The following SHANK2 variants were observed in gnomAD, a reference collection of about 807,000 sequenced individuals.
The protein encoded by SHANK2 is SH3 and multiple ankyrin repeat domains 2.
In SHANK2, 43 loss-of-function variants were observed where a neutral mutation model predicts 133.7. The ratio of observed to expected loss-of-function variants is 0.32; its 90% CI spans 0.25 to 0.41. The LOEUF (loss-of-function observed/expected upper bound fraction) is 0.41, where lower values mean the gene tolerates loss of function less well. Ranked by LOEUF, SHANK2 falls within the 10% of genes least tolerant of loss-of-function variation. SHANK2 has a pLI of 1.00. For missense variants in SHANK2, 1,994 were observed against 2,235.8 expected, an observed-to-expected ratio of 0.89 and a Z score of 2.18; for synonymous variants, 1,017 against 952.8, an observed-to-expected ratio of 1.07 and a Z score of -1.24.
chr11:70,883,743 G>A (rs999593373), intron 11 of SHANK2, among the ~76,000 whole-genome samples: 5 of 152,234 alleles, frequency 3.3e-5, no homozygotes, highest in African/African-American at 7.2e-5. Flanking sequence ...GCAAGACCAC[G>A]TGGAAACAAG....
chr11:70,860,340 G>C lies in SHANK2; in HGVS notation c.1174+36161C>G, dbSNP rs545154800. On this transcript the variant is annotated intron_variant, in intron 11 of 25. Coordinates refer to ENST00000601538, the MANE Select transcript of SHANK2 (RefSeq NM_012309.5). Reference sequence around the variant, plus strand: ...TGTCCCCTTAGGCCATGTTATCCTCGTGCACACCTGCCCATCAGATCTCTC... The same window carrying C: ...TGTCCCCTTAGGCCATGTTATCCTCCTGCACACCTGCCCATCAGATCTCTC... Among the ~76,000 whole-genome samples the C allele has an allele frequency of 4.8e-4, 73 of 152,206 alleles. No individual in the cohort carries two copies. In the South Asian group the frequency reaches 0.015, roughly 31 times the overall value.
intron 14 of SHANK2, among the ~76,000 whole-genome samples, chr11:70,779,848 AC>A (rs562815754): frequency 1.9e-3 from 288 of 151,484 alleles, no homozygotes; most frequent in Admixed American, 1.4e-3. Flanking sequence ...TCTTCCCTAC[AC>A]CCCTGACCCA....
chr11:70,804,350 G>A lies in SHANK2; in HGVS notation c.1663+2652C>T, dbSNP rs1256530684. Among the ~76,000 whole-genome samples, 1 of 152,250 alleles carries A rather than the reference G, an allele frequency of 6.6e-6. No individual in the cohort carries two copies. Among genetic ancestry groups the A allele is most frequent in the African/African-American group, 2.4e-5 (1 of 41,472 alleles). On this transcript the variant is annotated intron_variant, in intron 13 of 25. Transcript: ENST00000601538. This position sits in a 1 kb window ranked among gnomAD's most constrained non-coding sequence, Gnocchi z 4.1. ...ACCGACAGCTCGGCAGGAAGGAAGA[G>A]CGGTGCCACTGGCAGCAGGAAGGGG...
chr11:70,494,021 C>T (rs1284588695), intron 21 of SHANK2, among the ~76,000 whole-genome samples: 4 of 152,326 alleles, frequency 2.6e-5, no homozygotes, highest in African/African-American at 7.2e-5. Flanking sequence ...AGCCACGGCA[C>T]GGATCAGGGT....
intron 2 of SHANK2, among the ~76,000 whole-genome samples, chr11:71,218,040 G>C (rs782034880): frequency 8.6e-5 from 13 of 151,964 alleles, no homozygotes; most frequent in Non-Finnish European, 1.3e-4. Flanking sequence ...TTAGAAGAAA[G>C]AGGGTTTCAC....
At chr11:70,529,799 T>C (rs1394302587) in intron 17 of SHANK2, among the ~76,000 whole-genome samples, 1 of 152,242 alleles carries the variant, frequency 6.6e-6, no homozygotes, top group Non-Finnish European at 1.5e-5. Flanking sequence ...ATCTGGCCTT[T>C]CATGCCTGGC....
rs1305444297 is a variant in SHANK2 at position 71,113,383 on chromosome 11, AAGAG to A, written c.412-23_412-20del. ...ATCGAAACTGGCACAGAAAACAAAA[AAGAG>A]AGAGAAAACAAGTCAATACTTCTCA... On this transcript the variant is annotated intron_variant, in intron 4 of 25. Coordinates refer to ENST00000601538, the MANE Select transcript of SHANK2 (RefSeq NM_012309.5). The A allele has an allele frequency of 1.9e-6, 3 of 1,550,526 alleles. No individual in the cohort carries two copies. Among genetic ancestry groups the A allele is most frequent in the Admixed American group, 3.9e-5 (2 of 51,010 alleles).
At chr11:70,701,637 C>T (rs1264379292) in intron 14 of SHANK2, among the ~76,000 whole-genome samples, 1 of 152,110 alleles carries the variant, frequency 6.6e-6, no homozygotes, top group Non-Finnish European at 1.5e-5. Flanking sequence ...ATCTCCTGAC[C>T]TCGTGATCCA....
chr11:71,216,714 C>A (rs1480776628), intron 2 of SHANK2, among the ~76,000 whole-genome samples: 1 of 152,126 alleles, frequency 6.6e-6, no homozygotes, highest in Non-Finnish European at 1.5e-5. Flanking sequence ...GCCCCAGGGA[C>A]GTCGTAGCTC....
chr11:70,615,273 G>A (rs552067345), intron 17 of SHANK2, among the ~76,000 whole-genome samples: 37 of 152,230 alleles, frequency 2.4e-4, no homozygotes, highest in African/African-American at 8.9e-4. Context: ...CTGTGATGAG[G>A]GCCTGATACC....
intron 14 of SHANK2, among the ~76,000 whole-genome samples, chr11:70,768,392 G>T (rs1411338383): frequency 6.6e-6 from 1 of 152,200 alleles, no homozygotes; most frequent in Non-Finnish European, 1.5e-5. Flanking sequence ...AGTAATTCTG[G>T]CCACAAGAGT....
intron 14 of SHANK2, among the ~76,000 whole-genome samples, chr11:70,724,611 T>C (rs1009393238): frequency 6.6e-6 from 1 of 152,232 alleles, no homozygotes; most frequent in African/African-American, 2.4e-5. Flanking sequence ...ATTTAGAGGA[T>C]GCAAGAGGTC....
intron 10 of SHANK2, among the ~76,000 whole-genome samples, chr11:70,926,065 G>C (rs1210724204): frequency 1.3e-5 from 2 of 152,108 alleles, no homozygotes; most frequent in African/African-American, 4.8e-5. Context: ...TTGAACCCAG[G>C]AGTTTGAGAC....
chr11:70,625,425 A>C (rs1168211632), intron 17 of SHANK2, among the ~76,000 whole-genome samples: 1 of 152,100 alleles, frequency 6.6e-6, no homozygotes, highest in African/African-American at 2.4e-5. Context: ...CATGACCCAG[A>C]GCTCCCACCA....
Position 71,236,275 on chromosome 11 carries a change from T to C in SHANK2, c.-112-11479A>G, listed in dbSNP as rs550547132. Among the ~76,000 whole-genome samples, 15 of 152,356 alleles carry C rather than the reference T, an allele frequency of 9.8e-5. No individual in the cohort carries two copies. The South Asian group carries it at 3.1e-3, about 32-fold the overall frequency. ...AAATTTAAAAATGCATTATGCCTCC[T>C]GGTTGAACCACAAAATGCTGTGACC... On this transcript the variant is annotated intron_variant, in intron 1 of 25. Transcript: ENST00000601538.
chr11:70,568,881 A>G (rs904352216), intron 17 of SHANK2, among the ~76,000 whole-genome samples: 1 of 152,108 alleles, frequency 6.6e-6, no homozygotes, highest in African/African-American at 2.4e-5. Flanking sequence ...AGCCCTTGGC[A>G]CCGCAACCCA....
chr11:71,104,833 G>T (rs987028147), intron 6 of SHANK2, among the ~76,000 whole-genome samples: 1 of 152,236 alleles, frequency 6.6e-6, no homozygotes, highest in Non-Finnish European at 1.5e-5. Context: ...TGGGAAGCAG[G>T]GTGGTGTGAG....
chr11:70,715,864 G>C (rs573306032), intron 14 of SHANK2, among the ~76,000 whole-genome samples: 1 of 152,220 alleles, frequency 6.6e-6, no homozygotes, highest in Non-Finnish European at 1.5e-5. Flanking sequence ...AGTCGCCAGT[G>C]GGGAGGAGGG....
chr11:70,535,898 C>T lies in SHANK2; in HGVS notation c.2062-32967G>A, dbSNP rs180803452. Among the ~76,000 whole-genome samples the T allele has an allele frequency of 7.2e-4, 109 of 152,336 alleles. 2 individuals are homozygous for T. The highest frequency in any genetic ancestry group is 6.9e-3 in the Admixed American group (105 of 15,308). On this transcript the variant is annotated intron_variant, in intron 17 of 25. Coordinates refer to ENST00000601538, the MANE Select transcript of SHANK2 (RefSeq NM_012309.5). The surrounding 1 kb of genome is among the most constrained non-coding windows in gnomAD (Gnocchi z 4.3). Reference sequence around the variant, plus strand: ...AGCTGTGGGGGAAGCAGTGACTGGCCGGAGACCCCAGGAAAGGCACATAGC... The same window carrying T: ...AGCTGTGGGGGAAGCAGTGACTGGCTGGAGACCCCAGGAAAGGCACATAGC...
Sources: allele counts gnomAD v4.1 joint callset (sites outside exome capture counted in the v4.1 genomes callset), GRCh38; gene constraint gnomAD v4.1.1; non-coding constraint Gnocchi (gnomAD v3.1); transcripts MANE v1.5; gene names NCBI Gene and HGNC (gene_info 2026-07-23, HGNC 2026-07-21).